JAK1: variants seen among roughly 807,000 people sequenced by gnomAD.
JAK1 encodes tyrosine-protein kinase JAK1.
In JAK1, 16 loss-of-function variants were observed where a neutral mutation model predicts 136.6. That is an observed-to-expected ratio of 0.12 (90% CI 0.08 to 0.18). JAK1 has a LOEUF of 0.18. Among genes scored for constraint, JAK1 ranks in the 10% least tolerant of loss-of-function variants. The pLI, the probability that JAK1 is intolerant of heterozygous loss-of-function variation, is 1.00. For missense variants in JAK1, 859 were observed against 1,450.1 expected (o/e 0.59, Z 6.62); for synonymous variants, 492 against 519.5 (o/e 0.95, Z 0.72).
intron 2 of JAK1, among the ~76,000 whole-genome samples, chr1:65,028,981 A>G (rs921568094): frequency 6.6e-6 from 1 of 152,216 alleles, no homozygotes; most frequent in East Asian, 1.9e-4. Context: ...AAAGTAAAAG[A>G]ATCATTACAA....
intron 1 of JAK1, among the ~76,000 whole-genome samples, chr1:64,912,263 C>A (rs1387547081): frequency 2.0e-5 from 3 of 152,144 alleles, no homozygotes; most frequent in African/African-American, 4.8e-5. Flanking sequence ...ATCTGACCCA[C>A]CCAAGATTTC....
At position 64,833,910 on chromosome 1, in the gene JAK1, C is replaced by T; in HGVS notation, c.*652G>A. ...ATTATCTATTCCACAGCTATCCCCC[C>T]ATGTAGAACCAGCTTTCTCAAAAAT... On this transcript the variant is annotated 3_prime_UTR_variant, in exon 25 of 25. Coordinates refer to ENST00000342505, the MANE Select transcript of JAK1 (RefSeq NM_002227.4). The T allele has an allele frequency of 4.3e-6, 1 of 232,832 alleles. No homozygotes were observed. The highest frequency in any genetic ancestry group is 8.5e-6 in the Non-Finnish European group (1 of 117,752). The allele number at this position is 232,832 out of a possible 1,614,324, so 14.4% of individuals were successfully genotyped here.
Position 64,985,574 on chromosome 1 carries a change from C to T in JAK1, c.-78+58906G>A, listed in dbSNP as rs974584818. 1.7e-5 allele frequency: 19 copies of T among 1,108,772 alleles called. No individual in the cohort carries two copies. In the African/African-American group the frequency reaches 3.0e-4, roughly 17 times the overall value. The allele number at this position is 1,108,772 out of a possible 1,614,324, so 68.7% of individuals were successfully genotyped here. On this transcript the variant is annotated intron_variant, in intron 2 of 25. Coordinates refer to the JAK1 transcript ENST00000671954. ...GGTCTTCAGACCCCAGGATGAATTC[C>T]AGATCAAAGATCTGGGCCACCAGAA...
At chr1:64,864,537 TG>T (rs1397860072) in intron 8 of JAK1, among the ~76,000 whole-genome samples, 2 of 152,192 alleles carry the variant, frequency 1.3e-5, no homozygotes, top group Non-Finnish European at 2.9e-5. Flanking sequence ...GATGCTGAGG[TG>T]TATTTGGGAG....
chr1:65,022,404 G>A (rs1415687309), intron 2 of JAK1, among the ~76,000 whole-genome samples: 1 of 152,078 alleles, frequency 6.6e-6, no homozygotes, highest in African/African-American at 2.4e-5. Context: ...GGATATTCCA[G>A]TGCACCCATA....
chr1:65,027,348 C>A (rs1646986993), intron 2 of JAK1, among the ~76,000 whole-genome samples: 1 of 152,064 alleles, frequency 6.6e-6, no homozygotes, highest in Non-Finnish European at 1.5e-5. Context: ...CCACTGCACC[C>A]AGCCAATTAT....
At chr1:64,849,576 C>CAT (rs1280570483) in intron 12 of JAK1, among the ~76,000 whole-genome samples, 3 of 152,262 alleles carry the variant, frequency 2.0e-5, no homozygotes, top group African/African-American at 7.2e-5. Context: ...GGTCCACATC[C>CAT]TGCTGTACTT....
intron 1 of JAK1, among the ~76,000 whole-genome samples, chr1:64,924,591 AT>A (rs1645550959): frequency 1.3e-5 from 2 of 152,158 alleles, no homozygotes; most frequent in Non-Finnish European, 2.9e-5. Context: ...CCTTAGAACT[AT>A]GTGTGGCTCC....
chr1:64,947,622 CT>C (rs34888082), intron 1 of JAK1, among the ~76,000 whole-genome samples: 98 of 146,932 alleles, frequency 6.7e-4, no homozygotes, highest in African/African-American at 8.2e-4. Flanking sequence ...CCAATAAATC[CT>C]TTTTTTTTTT....
chr1:64,859,809 A>G (rs542182756), intron 9 of JAK1: 9 of 208,696 alleles, frequency 4.3e-5, no homozygotes, highest in Middle Eastern at 1.6e-3. Flanking sequence ...ATTGTTTGAC[A>G]CAGCAAGAAA....
intron 1 of JAK1, among the ~76,000 whole-genome samples, chr1:64,958,533 T>C (rs969343880): frequency 2.6e-5 from 4 of 152,254 alleles, no homozygotes; most frequent in African/African-American, 7.2e-5. Context: ...CAGGTACACC[T>C]GGCAAAAAGC....
chr1:64,845,411 G>A, intron 15 of JAK1, 102 bp downstream of exon 15: 2 of 1,356,604 alleles, frequency 1.5e-6, no homozygotes, highest in Non-Finnish European at 2.1e-6. Context: ...GGAACCCAAG[G>A]ACAGGCCCCT....
chr1:65,014,867 AG>A (rs1393765347), intron 2 of JAK1, among the ~76,000 whole-genome samples: 3 of 151,998 alleles, frequency 2.0e-5, no homozygotes, highest in African/African-American at 7.2e-5. Flanking sequence ...TTGTACTTTT[AG>A]TAGAGACAGG....
chr1:64,948,697 ACT>A (rs1569680927), intron 1 of JAK1, among the ~76,000 whole-genome samples: 2 of 152,048 alleles, frequency 1.3e-5, no homozygotes, highest in African/African-American at 4.8e-5. Flanking sequence ...AAAAAAGAAG[ACT>A]CTATTTTTTG....
chr1:65,065,841 G>A lies in JAK1; in HGVS notation c.-181+1763C>T, dbSNP rs571481326. Among the ~76,000 whole-genome samples the A allele has an allele frequency of 4.0e-5, 6 of 151,514 alleles. No individual in the cohort carries two copies. In the East Asian group the frequency reaches 9.8e-4, roughly 25 times the overall value. On this transcript the variant is annotated intron_variant, in intron 1 of 25. Coordinates refer to the JAK1 transcript ENST00000671954. ...CAGATTCCATTAGAAGACCCAGAGG[G>A]GAATAAAAAACAGCGCACTGGCCAA...
chr1:64,958,254 C>A (rs1472900945), intron 1 of JAK1, among the ~76,000 whole-genome samples: 10 of 152,142 alleles, frequency 6.6e-5, no homozygotes, highest in Admixed American at 3.9e-4. Flanking sequence ...TATGTTTGGG[C>A]CAATATGACC....
chr1:65,057,461 G>A (rs1029431435), intron 1 of JAK1, among the ~76,000 whole-genome samples: 1 of 152,182 alleles, frequency 6.6e-6, no homozygotes, highest in African/African-American at 2.4e-5. Context: ...AGCACTTTGG[G>A]AGGCTGAGGT....
intron 1 of JAK1, among the ~76,000 whole-genome samples, chr1:64,902,704 G>T (rs1268594591): frequency 6.6e-6 from 1 of 151,654 alleles, no homozygotes; most frequent in African/African-American, 2.4e-5. Context: ...AAAAGGATTA[G>T]CTACTAGCCA....
intron 1 of JAK1, among the ~76,000 whole-genome samples, chr1:64,953,971 G>A (rs945767495): frequency 3.9e-5 from 6 of 152,086 alleles, no homozygotes; most frequent in Non-Finnish European, 5.9e-5. Flanking sequence ...GACCGCACTC[G>A]GCCTCAGGTC....
Sources: gnomAD v4.1 joint callset for allele counts (sites outside exome capture counted in the v4.1 genomes callset) on GRCh38, gnomAD v4.1.1 for gene constraint, MANE v1.5 for transcripts, NCBI Gene and HGNC (gene_info 2026-07-23, HGNC 2026-07-21) for gene names.